The following LOXHD1 variants were observed in gnomAD, a reference collection of about 807,000 sequenced individuals.
LOXHD1 encodes lipoxygenase homology PLAT domains 1.
In LOXHD1, 205 loss-of-function variants were observed where a neutral mutation model predicts 248.2. The observed-to-expected ratio is 0.83, with a 90% CI of 0.74 to 0.93. LOXHD1 has a LOEUF of 0.93. LOXHD1 is among the 40% of genes least tolerant of loss of function. The probability of loss-of-function intolerance (pLI) is 0.00; values close to 1 mark genes in which losing one functional copy is unlikely to be tolerated. For synonymous variants in LOXHD1, 1,113 were observed against 1,162.8 expected, an observed-to-expected ratio of 0.96 and a Z score of 0.87; for missense variants, 2,930 against 2,971.6, an observed-to-expected ratio of 0.99 and a Z score of 0.33.
chr18:46,543,085 G>A (rs956621222), intron 23 of LOXHD1, among the ~76,000 whole-genome samples: 6 of 152,168 alleles, frequency 3.9e-5, no homozygotes, highest in African/African-American at 1.4e-4. Context: ...GGGTGAGTTA[G>A]TAGTGAATTC....
chr18:46,549,190 A>G (rs1255655642), intron 21 of LOXHD1, among the ~76,000 whole-genome samples: 1 of 152,168 alleles, frequency 6.6e-6, no homozygotes, highest in Admixed American at 6.5e-5. Context: ...AGGAGATGAG[A>G]GGAATGCAGG....
At position 46,538,235 on chromosome 18, in the gene LOXHD1, T is replaced by G; in HGVS notation, c.4016A>C (p.Gln1339Pro). The change falls in exon 26 of 41, where the codon CAG becomes CCG. Residue 1339 changes from glutamine to proline, a missense_variant. Gln to Pro is a moderately conservative substitution (Grantham distance 76). Transcript: ENST00000642948. ...IIYGCDAVCTQQKYLCTNKRE... is the reference protein window; with the variant it reads ...IIYGCDAVCTPQKYLCTNKRE... ...CTTGTTGGTACACAGATACTTCTGC[T>G]GGGTGCACACGGCATCGCAGCCATA... 1 of 1,550,710 alleles carries G rather than the reference T, an allele frequency of 6.4e-7. No homozygotes were observed. The highest frequency in any genetic ancestry group is 2.4e-5 in the East Asian group (1 of 40,888).
intron 34 of LOXHD1, among the ~76,000 whole-genome samples, chr18:46,513,661 G>A (rs1489399839): frequency 1.3e-5 from 2 of 152,308 alleles, no homozygotes; most frequent in African/African-American, 4.8e-5. Flanking sequence ...GAGCCTGCAG[G>A]GCACATGGTG....
intron 33 of LOXHD1, chr18:46,520,713 T>C (rs1043324973): frequency 4.1e-6 from 1 of 241,628 alleles, no homozygotes; most frequent in African/African-American, 2.3e-5. Flanking sequence ...TGGTGGATCC[T>C]TTGGTGAACA....
At chr18:46,494,006 C>G (rs1417126556) in intron 37 of LOXHD1, among the ~76,000 whole-genome samples, 1 of 152,198 alleles carries the variant, frequency 6.6e-6, no homozygotes, top group African/African-American at 2.4e-5. Flanking sequence ...TGGCACCCAG[C>G]TTTCCCTTGC....
rs141845584 is a variant in LOXHD1 at position 46,548,197 on chromosome 18, G to A, written c.3351-1139C>T. 2.1e-3 allele frequency among the ~76,000 whole-genome samples: 304 copies of A among 144,494 alleles called. 1 individual carries two copies. The highest frequency in any genetic ancestry group is 7.8e-3 in the African/African-American group (298 of 38,344). 94.8% of individuals were successfully genotyped at this position (144,494 alleles called of 152,430 possible). A position where few individuals can be genotyped will look rare whatever the true frequency, so the allele number is the denominator to read the frequency against. On this transcript the variant is annotated intron_variant, in intron 21 of 40. Coordinates refer to ENST00000642948, the MANE Select transcript of LOXHD1 (RefSeq NM_001384474.1). ...GCTAAGCTCCCAGAATAACACAAAG[G>A]GTCTCAGAATTCAGCCTGTCTCTAA... is the stretch of plus-strand genomic sequence containing the variant.
intron 1 of LOXHD1, among the ~76,000 whole-genome samples, chr18:46,656,245 C>T (rs548855517): frequency 3.2e-4 from 48 of 152,184 alleles, no homozygotes; most frequent in Admixed American, 1.4e-3. Context: ...GATTTCAAAA[C>T]GCTGGAAAGG....
intron 31 of LOXHD1, among the ~76,000 whole-genome samples, chr18:46,523,057 C>T (rs1416904830): frequency 6.6e-6 from 1 of 152,086 alleles, no homozygotes. Flanking sequence ...AAGTGATTCT[C>T]CTCCCTCAGC....
chr18:46,478,718 G>T (rs1181531847), intron 40 of LOXHD1, among the ~76,000 whole-genome samples: 1 of 151,758 alleles, frequency 6.6e-6, no homozygotes, highest in East Asian at 1.9e-4. Flanking sequence ...TTAGAGACAG[G>T]GTATCAATTT....
chr18:46,624,666 C>T lies in LOXHD1; in HGVS notation c.512-6376G>A, dbSNP rs115049647. ...CCACCTCCAGTACATCCAACCCACC[C>T]TCCCATCATCACTTTGTACCAGCTC... On this transcript the variant is annotated intron_variant, in intron 4 of 40. Coordinates refer to ENST00000642948, the MANE Select transcript of LOXHD1 (RefSeq NM_001384474.1). 5.8e-3 allele frequency among the ~76,000 whole-genome samples: 881 copies of T among 152,288 alleles called. 12 individuals carry two copies. The highest frequency in any genetic ancestry group is 0.02 in the African/African-American group (837 of 41,552).
chr18:46,509,133 C>G lies in LOXHD1; in HGVS notation c.5517+565G>C, dbSNP rs188217041. ...GGATGGAGGCAGAACTAAGAAATCC[C>G]ACGCTGCTGTTGCTCCTTGAAGATC... On this transcript the variant is annotated intron_variant, in intron 35 of 40. Transcript: ENST00000642948. Among the ~76,000 whole-genome samples, 28 of 152,276 alleles carry G rather than the reference C, an allele frequency of 1.8e-4. 1 individual carries two copies. The highest frequency in any genetic ancestry group is 6.5e-4 in the African/African-American group (27 of 41,560).
chr18:46,616,671 C>A (rs2038592152), intron 5 of LOXHD1, among the ~76,000 whole-genome samples: 1 of 152,016 alleles, frequency 6.6e-6, no homozygotes, highest in Non-Finnish European at 1.5e-5. Context: ...CTCTATTTAT[C>A]TTTGTTTGCA....
At chr18:46,518,963 T>G in intron 33 of LOXHD1, 1 of 985,504 alleles carries the variant, frequency 1.0e-6, no homozygotes, top group African/African-American at 1.7e-5. Context: ...GTTTTGCCAT[T>G]TAGCCTGAGG....
intron 12 of LOXHD1, among the ~76,000 whole-genome samples, chr18:46,589,593 T>C (rs1278843647): frequency 6.6e-6 from 1 of 152,176 alleles, no homozygotes; most frequent in East Asian, 1.9e-4. Context: ...CCTCAAAGAC[T>C]CTAATCAGCA....
intron 18 of LOXHD1, among the ~76,000 whole-genome samples, chr18:46,561,989 G>A (rs567386679): frequency 8.5e-5 from 13 of 152,322 alleles, no homozygotes; most frequent in African/African-American, 2.4e-4. Flanking sequence ...CAGAAGACAC[G>A]CTATCCAGTT....
intron 34 of LOXHD1, among the ~76,000 whole-genome samples, chr18:46,514,728 C>G (rs1304993963): frequency 2.0e-5 from 3 of 152,124 alleles, no homozygotes; most frequent in African/African-American, 7.2e-5. Flanking sequence ...GTAAACCCAG[C>G]AGAACTCTTT....
At chr18:46,539,099 A>G (rs758440945) in intron 25 of LOXHD1, among the ~76,000 whole-genome samples, 8 of 152,178 alleles carry the variant, frequency 5.3e-5, no homozygotes, top group Non-Finnish European at 1.2e-4. Flanking sequence ...GTGAACAGAG[A>G]CCAGTATGTC....
At chr18:46,557,178 C>A (rs2037375797) in intron 21 of LOXHD1, among the ~76,000 whole-genome samples, 178 bp downstream of exon 21, 1 of 142,398 alleles carries the variant, frequency 7.0e-6, no homozygotes, top group Non-Finnish European at 1.5e-5. Context: ...GCACCCCAGT[C>A]CACCCTTACT....
At chr18:46,618,079 T>C (rs867846966) in intron 5 of LOXHD1, 113 bp downstream of exon 5, 31 of 707,360 alleles carry the variant, frequency 4.4e-5, no homozygotes, top group Middle Eastern at 2.4e-4. Context: ...AGATGCTCAA[T>C]AGAGGAGCCC....
Sources: allele counts gnomAD v4.1 joint callset (sites outside exome capture counted in the v4.1 genomes callset), GRCh38; gene constraint gnomAD v4.1.1; transcripts MANE v1.5; gene names NCBI Gene and HGNC (gene_info 2026-07-23, HGNC 2026-07-21).